MACROD2: variants seen among roughly 807,000 people sequenced by gnomAD.
MACROD2 encodes ADP-ribose glycohydrolase MACROD2.
In MACROD2, 36 loss-of-function variants were observed where a neutral mutation model predicts 70.4. That is an observed-to-expected ratio of 0.51 (90% confidence interval 0.39 to 0.68). The LOEUF is 0.68. Ranked by LOEUF, MACROD2 falls within the 30% of genes least tolerant of loss-of-function variation. The probability of loss-of-function intolerance (pLI) is 0.00; values close to 1 mark genes in which losing one functional copy is unlikely to be tolerated. For synonymous variants in MACROD2, 172 were observed against 178.8 expected (o/e 0.96, Z 0.30); for missense variants, 496 against 538.4 (o/e 0.92, Z 0.78).
chr20:15,113,059 G>A (rs2075967127), intron 5 of MACROD2, among the ~76,000 whole-genome samples: 1 of 151,750 alleles, frequency 6.6e-6, no homozygotes, highest in African/African-American at 2.4e-5. Context: ...TCTGGCTATT[G>A]CCAGTGTTTC....
rs965657317 is a variant in MACROD2 at position 14,467,189 on chromosome 20, C to A, written c.272-26290C>A. On this transcript the variant is annotated intron_variant, in intron 3 of 17. Transcript: ENST00000684519. ...GAGCTGTGGTGGGCTCCACCCAGTT[C>A]GAGCTTCCTGGCTGCTTTGTTTACC... Among the ~76,000 whole-genome samples, 78 of 152,148 alleles carry A rather than the reference C, an allele frequency of 5.1e-4. 1 individual carries two copies. The highest frequency in any genetic ancestry group is 1.8e-3 in the African/African-American group (74 of 41,404).
intron 8 of MACROD2, among the ~76,000 whole-genome samples, chr20:15,727,026 T>C (rs2050873304): frequency 6.6e-6 from 1 of 152,156 alleles, no homozygotes; most frequent in East Asian, 1.9e-4. Flanking sequence ...CAAATGGTAT[T>C]TCCTAGGTTA....
At chr20:15,496,117 A>C (rs1247266016) in intron 7 of MACROD2, among the ~76,000 whole-genome samples, 1 of 152,226 alleles carries the variant, frequency 6.6e-6, no homozygotes, top group African/African-American at 2.4e-5. Context: ...TGTTGCCACT[A>C]ACTTGGGGAG....
intron 6 of MACROD2, among the ~76,000 whole-genome samples, chr20:15,259,987 T>C: frequency 6.6e-6 from 1 of 151,890 alleles, no homozygotes; most frequent in East Asian, 1.9e-4. Context: ...CTCCTGAAAT[T>C]TTTTTTATTT....
intron 8 of MACROD2, among the ~76,000 whole-genome samples, chr20:15,793,123 G>T (rs978237861): frequency 2.6e-5 from 4 of 151,882 alleles, no homozygotes; most frequent in Non-Finnish European, 2.9e-5. Flanking sequence ...AAAAAAGACT[G>T]TGTGTGTGTG....
intron 4 of MACROD2, among the ~76,000 whole-genome samples, chr20:14,560,583 A>G (rs1979368935): frequency 6.6e-6 from 1 of 151,922 alleles, no homozygotes; most frequent in Non-Finnish European, 1.5e-5. Flanking sequence ...TTATTATTTT[A>G]GATAGTAATG....
intron 6 of MACROD2, among the ~76,000 whole-genome samples, chr20:15,410,557 TGGC>T (rs1434697326): frequency 1.3e-5 from 2 of 152,192 alleles, no homozygotes; most frequent in Non-Finnish European, 2.9e-5. Context: ...CCTCTGGTAG[TGGC>T]GACAATACAT....
chr20:15,605,450 AAG>A (rs1491464604), intron 8 of MACROD2, among the ~76,000 whole-genome samples: 10 of 106,170 alleles, frequency 9.4e-5, no homozygotes, highest in South Asian at 6.3e-4. Flanking sequence ...AACAGGATGT[AAG>A]CGTGTGTGTG....
intron 6 of MACROD2, among the ~76,000 whole-genome samples, chr20:15,293,583 CATGA>C (rs1212931488): frequency 1.3e-5 from 2 of 152,158 alleles, no homozygotes; most frequent in Admixed American, 1.3e-4. Context: ...CCTGAGGGCA[CATGA>C]AATGGAAATA....
chr20:15,051,598 A>G (rs1221366446), intron 5 of MACROD2, among the ~76,000 whole-genome samples: 1 of 152,092 alleles, frequency 6.6e-6, no homozygotes, highest in Non-Finnish European at 1.5e-5. Flanking sequence ...TCAGATCATC[A>G]AGTATAATCT....
chr20:15,543,057 T>G (rs1424131803), intron 8 of MACROD2, among the ~76,000 whole-genome samples: 2 of 152,236 alleles, frequency 1.3e-5, no homozygotes, highest in African/African-American at 4.8e-5. Flanking sequence ...ATTTAACATT[T>G]TTTTAATCTC....
At chr20:15,519,914 G>A (rs1464281815) in intron 8 of MACROD2, among the ~76,000 whole-genome samples, 4 of 152,204 alleles carry the variant, frequency 2.6e-5, no homozygotes, top group Non-Finnish European at 5.9e-5. Flanking sequence ...CTCTATAGCT[G>A]ATTGTCAAGG....
intron 3 of MACROD2, among the ~76,000 whole-genome samples, chr20:14,158,213 A>G (rs2055132242): frequency 6.6e-6 from 1 of 152,040 alleles, no homozygotes; most frequent in Admixed American, 6.6e-5. Flanking sequence ...CTTGTTGGTC[A>G]TTTGTATGTC....
rs139249091 is a variant in MACROD2 at position 15,931,729 on chromosome 20, T to C, written c.776-1547T>C. ...CAACACAGGGGGTCCTGTACGTATA[T>C]TTATTAACTGCATTCTTCGCCAACC... On this transcript the variant is annotated intron_variant, in intron 10 of 17. Coordinates refer to ENST00000684519, the MANE Select transcript of MACROD2 (RefSeq NM_001351661.2). Among the ~76,000 whole-genome samples the C allele has an allele frequency of 4.7e-3, 721 of 152,310 alleles. 4 individuals are homozygous for C. The highest frequency in any genetic ancestry group is 8.0e-3 in the Non-Finnish European group (547 of 68,018).
intron 3 of MACROD2, among the ~76,000 whole-genome samples, chr20:14,361,291 C>T (rs2083219560): frequency 1.3e-5 from 2 of 152,134 alleles, no homozygotes; most frequent in Admixed American, 6.6e-5. Context: ...TTAAATCATA[C>T]CCTCACTACC....
At chr20:15,210,214 G>A (rs2076749527) in intron 5 of MACROD2, among the ~76,000 whole-genome samples, 1 of 152,226 alleles carries the variant, frequency 6.6e-6, no homozygotes, top group South Asian at 2.1e-4. Context: ...AGGCAGTTGT[G>A]TATGGCACAT....
chr20:15,174,992 A>C (rs371827264), intron 5 of MACROD2, among the ~76,000 whole-genome samples: 1 of 151,914 alleles, frequency 6.6e-6, no homozygotes, highest in Non-Finnish European at 1.5e-5. Context: ...TTTGCTGTGC[A>C]GAAGCTCTTT....
intron 15 of MACROD2, among the ~76,000 whole-genome samples, chr20:16,027,816 G>A (rs2067100983): frequency 6.6e-6 from 1 of 152,124 alleles, no homozygotes; most frequent in Non-Finnish European, 1.5e-5. Flanking sequence ...GGAGGGGAGT[G>A]TTAGAGACAC....
At chr20:15,027,048 G>C (rs958664637) in intron 5 of MACROD2, among the ~76,000 whole-genome samples, 2 of 152,084 alleles carry the variant, frequency 1.3e-5, no homozygotes, top group African/African-American at 4.8e-5. Context: ...TTGAACACCT[G>C]GCAACCCTAA....
Sources: gnomAD v4.1 joint callset for allele counts (sites outside exome capture counted in the v4.1 genomes callset) on GRCh38, gnomAD v4.1.1 for gene constraint, MANE v1.5 for transcripts, NCBI Gene and HGNC (gene_info 2026-07-23, HGNC 2026-07-21) for gene names.